The following TFEB variants were observed in gnomAD, a reference collection of about 807,000 sequenced individuals.
TFEB encodes the protein transcription factor EB, also known as T-cell transcription factor EB.
TFEB carries 12 observed loss-of-function variants against 48.0 expected under a neutral mutation model. The ratio of observed to expected loss-of-function variants is 0.25; its 90% CI spans 0.16 to 0.40. The LOEUF is 0.40. Among genes scored for constraint, TFEB ranks in the 10% least tolerant of loss-of-function variants. TFEB has a pLI of 1.00. For missense variants in TFEB, 509 were observed against 640.3 expected (o/e 0.79, Z 2.21); for synonymous variants, 244 against 261.4 (o/e 0.93, Z 0.64).
intron 1 of TFEB, chr6:41,733,797 G>A: frequency 2.0e-6 from 2 of 985,454 alleles, no homozygotes; most frequent in Non-Finnish European, 2.4e-6. Flanking sequence ...AGGGCCTGAG[G>A]ACTGTCTCCC....
rs1769197606 is a variant in TFEB at position 41,689,761 on chromosome 6, G to A, written c.519C>T (p.Tyr173=). 2 of 1,614,100 alleles carry A rather than the reference G, an allele frequency of 1.2e-6. No individual in the cohort carries two copies. Among genetic ancestry groups the A allele is most frequent in the Non-Finnish European group, 1.7e-6 (2 of 1,179,986 alleles). ...NIMRLDDVLG[Y]INPEMQMPNT... ...TGGGCATCTGCATTTCAGGATTGAT[G>A]TAGCCAAGGACATCGTCCAGACGCA... The change falls in exon 4 of 9, where the codon TAC becomes TAT. Residue 173 remains tyrosine (Y), a synonymous_variant. Transcript: ENST00000373033.
Position 41,691,366 on chromosome 6 carries a change from G to T in TFEB, c.-22-131C>A. 1.0e-6 allele frequency: 1 copy of T among 966,130 alleles called. No homozygotes were observed. Among genetic ancestry groups the T allele is most frequent in the Non-Finnish European group, 1.6e-6 (1 of 613,458 alleles). 59.8% of individuals were successfully genotyped at this position (966,130 alleles called of 1,614,324 possible). A position where few individuals can be genotyped will look rare whatever the true frequency, so the allele number is the denominator to read the frequency against. ...GAGAAGACACCGAGCCCTGAGAGGG[G>T]AAGAGATTTGCCCAAGGTCACTGAG... On this transcript the variant is annotated intron_variant, in intron 1 of 8. Transcript: ENST00000373033. This position sits in a 1 kb window ranked among gnomAD's most constrained non-coding sequence, Gnocchi z 5.2.
intron 1 of TFEB, among the ~76,000 whole-genome samples, chr6:41,725,182 A>C (rs930767866): frequency 1.3e-5 from 2 of 152,160 alleles, no homozygotes; most frequent in African/African-American, 4.8e-5. Flanking sequence ...CCTAGATCAG[A>C]GTTTCTCAAC....
intron 1 of TFEB, among the ~76,000 whole-genome samples, chr6:41,696,002 C>T (rs770040975): frequency 3.3e-5 from 5 of 152,190 alleles, no homozygotes; most frequent in Non-Finnish European, 7.3e-5. Context: ...GTGAGGACAC[C>T]GAGTGGCCAG....
intron 1 of TFEB, among the ~76,000 whole-genome samples, chr6:41,713,558 G>A (rs1770579218): frequency 6.6e-6 from 1 of 152,158 alleles, no homozygotes; most frequent in African/African-American, 2.4e-5. Flanking sequence ...CAGGCTGCAG[G>A]GAAGGGCAGC....
chr6:41,699,720 T>C (rs1187941277), intron 1 of TFEB, among the ~76,000 whole-genome samples: 2 of 152,194 alleles, frequency 1.3e-5, no homozygotes, highest in Non-Finnish European at 2.9e-5. Flanking sequence ...CAACTTCCGA[T>C]ACAGAAACAT....
At chr6:41,690,975 G>C (rs111737478) in intron 2 of TFEB, 26 bp downstream of exon 2, 3 of 1,567,210 alleles carry the variant, frequency 1.9e-6, no homozygotes, top group East Asian at 2.3e-5. Flanking sequence ...GGGACAGGGT[G>C]GGGGGCAGGC....
chr6:41,718,811 A>C lies in TFEB; in HGVS notation c.-23+16539T>G, dbSNP rs116179710. Among the ~76,000 whole-genome samples the C allele has an allele frequency of 4.7e-3, 723 of 152,298 alleles. 7 individuals are homozygous for C. Among genetic ancestry groups the C allele is most frequent in the African/African-American group, 0.016 (649 of 41,566 alleles). On this transcript the variant is annotated intron_variant, in intron 1 of 8. Transcript: ENST00000373033. ...ATGCCTGCAGGGGCCAACAGGAAACATGAAAGCCTGAAGCAGGCCCAAACA... is the reference window on the plus strand; with the variant it reads ...ATGCCTGCAGGGGCCAACAGGAAACCTGAAAGCCTGAAGCAGGCCCAAACA...
At chr6:41,709,909 C>A (rs777680652) in intron 1 of TFEB, among the ~76,000 whole-genome samples, 1 of 152,308 alleles carries the variant, frequency 6.6e-6, no homozygotes, top group Non-Finnish European at 1.5e-5. Flanking sequence ...ACCTCAGCCT[C>A]CCAAGTAGTT....
chr6:41,686,337 C>G, intron 7 of TFEB, 100 bp from the exon 8 acceptor site: 1 of 1,497,708 alleles, frequency 6.7e-7, no homozygotes, highest in Non-Finnish European at 9.1e-7. Context: ...CTGTCCCAGT[C>G]TTACCCAGCA....
chr6:41,707,070 A>C (rs1338139197), intron 1 of TFEB, among the ~76,000 whole-genome samples: 2 of 152,032 alleles, frequency 1.3e-5, no homozygotes, highest in Admixed American at 1.3e-4. Context: ...CCCAAGGCTC[A>C]GAGCTGCTCT....
chr6:41,711,522 T>C (rs1770475056), intron 1 of TFEB, among the ~76,000 whole-genome samples: 1 of 152,170 alleles, frequency 6.6e-6, no homozygotes, highest in African/African-American at 2.4e-5. Context: ...CTTCCCTGCC[T>C]GTCCCCAAGG....
intron 1 of TFEB, among the ~76,000 whole-genome samples, chr6:41,731,820 G>C (rs1771462699): frequency 6.6e-6 from 1 of 152,300 alleles, no homozygotes; most frequent in Admixed American, 6.5e-5. Flanking sequence ...CACCTAGAAG[G>C]CCATCAGTAA....
chr6:41,692,222 A>G (rs997062333), intron 1 of TFEB, among the ~76,000 whole-genome samples: 11 of 152,190 alleles, frequency 7.2e-5, no homozygotes, highest in Non-Finnish European at 1.3e-4. Context: ...TGGGAATGCA[A>G]ACTTCCCTGA....
chr6:41,718,068 A>G (rs935248941), intron 1 of TFEB, among the ~76,000 whole-genome samples: 1 of 152,246 alleles, frequency 6.6e-6, no homozygotes, highest in Non-Finnish European at 1.5e-5. Flanking sequence ...TATGGAGTAC[A>G]AGGTGATGCT....
intron 7 of TFEB, 31 bp downstream of exon 7, chr6:41,687,063 C>T: frequency 1.9e-6 from 3 of 1,606,182 alleles, no homozygotes; most frequent in Non-Finnish European, 2.6e-6. Context: ...CCACCCAGAC[C>T]CATCACCCTC....
chr6:41,733,156 AGTCCC>A, intron 1 of TFEB: 3 of 570,196 alleles, frequency 5.3e-6, no homozygotes, highest in Non-Finnish European at 6.7e-6. Context: ...GAGGGGTGGG[AGTCCC>A]CTTCCACCTA....
chr6:41,711,810 G>A (rs1030863022), intron 1 of TFEB, among the ~76,000 whole-genome samples: 1 of 152,208 alleles, frequency 6.6e-6, no homozygotes, highest in African/African-American at 2.4e-5. Context: ...CAGGGGGGTG[G>A]GGGAACATGG....
chr6:41,734,753 G>A lies in TFEB; in HGVS notation c.-23+597C>T. The A allele has an allele frequency of 6.4e-6, 3 of 470,016 alleles. No individual in the cohort carries two copies. Among genetic ancestry groups the A allele is most frequent in the Middle Eastern group, 1.0e-3 (1 of 960 alleles). The allele number at this position is 470,016 out of a possible 1,614,324, so 29.1% of individuals were successfully genotyped here. On this transcript the variant is annotated intron_variant, in intron 1 of 8. Transcript: ENST00000373033. The surrounding 1 kb of genome is among the most constrained non-coding windows in gnomAD (Gnocchi z 4.0). ...CCAGGGGCGGCTTCTTCAAGAGACCGAGCTGGAGGAAGGGACGGGAAGGGA... is the reference window on the plus strand; with the variant it reads ...CCAGGGGCGGCTTCTTCAAGAGACCAAGCTGGAGGAAGGGACGGGAAGGGA...
Sources: gnomAD v4.1 joint callset for allele counts (sites outside exome capture counted in the v4.1 genomes callset) on GRCh38, gnomAD v4.1.1 for gene constraint, Gnocchi (gnomAD v3.1) non-coding constraint, MANE v1.5 for transcripts, NCBI Gene and HGNC (gene_info 2026-07-23, HGNC 2026-07-21) for gene names.